SAMD13: variants seen among roughly 807,000 people sequenced by gnomAD.
SAMD13 encodes sterile alpha motif domain containing 13.
Under a neutral mutation model 12.4 loss-of-function variants are expected in SAMD13, and 9 were observed. That is an observed-to-expected ratio of 0.72 (90% CI 0.44 to 1.26). The LOEUF (loss-of-function observed/expected upper bound fraction) is 1.26, where lower values mean the gene tolerates loss of function less well. Ranked by LOEUF, SAMD13 falls within the 50% of genes most tolerant of loss-of-function variation. The pLI is 0.00. For synonymous variants in SAMD13, 46 were observed against 45.4 expected (o/e 1.01, Z -0.05); for missense variants, 84 against 119.6 (o/e 0.70, Z 1.39).
chr1:84,340,227 A>G (rs1220824427), intron 3 of SAMD13, among the ~76,000 whole-genome samples: 1 of 152,264 alleles, frequency 6.6e-6, no homozygotes, highest in African/African-American at 2.4e-5. Context: ...CTGTATACAT[A>G]TAATGGAATA....
intron 3 of SAMD13, among the ~76,000 whole-genome samples, chr1:84,341,553 T>TG (rs35301372): frequency 6.6e-6 from 1 of 152,012 alleles, no homozygotes; most frequent in Non-Finnish European, 1.5e-5. Context: ...TCATCCTGGA[T>TG]GGGGGGTTTG....
chr1:84,319,611 G>A (rs557470682), intron 2 of SAMD13, among the ~76,000 whole-genome samples: 21 of 148,744 alleles, frequency 1.4e-4, no homozygotes, highest in African/African-American at 4.6e-4. Flanking sequence ...CTCCAGCCTG[G>A]GTGACAGGAA....
At chr1:84,334,587 G>A (rs1387281775) in intron 3 of SAMD13, among the ~76,000 whole-genome samples, 1 of 151,914 alleles carries the variant, frequency 6.6e-6, no homozygotes, top group Non-Finnish European at 1.5e-5. Context: ...GTTATTTCTT[G>A]TCTTCTGGTA....
intron 3 of SAMD13, among the ~76,000 whole-genome samples, chr1:84,334,951 AT>A (rs982726962): frequency 6.6e-6 from 1 of 151,984 alleles, no homozygotes; most frequent in Non-Finnish European, 1.5e-5. Context: ...TTTTCTGAGA[AT>A]TGTTTTATGC....
chr1:84,306,313 G>A (rs939750589), intron 2 of SAMD13, among the ~76,000 whole-genome samples: 2 of 151,268 alleles, frequency 1.3e-5, no homozygotes, highest in African/African-American at 2.5e-5. Context: ...TTTTTATATT[G>A]ATGTTATATG....
chr1:84,300,267 T>C (rs1397299453), upstream of SAMD13, among the ~76,000 whole-genome samples: 1 of 152,214 alleles, frequency 6.6e-6, no homozygotes, highest in African/African-American at 2.4e-5. Context: ...CTCAAAAATA[T>C]TTAATTGGTT....
chr1:84,348,524 T>C (rs535478015), intron 3 of SAMD13, among the ~76,000 whole-genome samples: 1 of 152,306 alleles, frequency 6.6e-6, no homozygotes, highest in Admixed American at 6.5e-5. Flanking sequence ...GGTTTAACTC[T>C]TGAATCCAAG....
chr1:84,321,808 C>G (rs546664268), intron 2 of SAMD13, among the ~76,000 whole-genome samples: 2 of 152,188 alleles, frequency 1.3e-5, no homozygotes, highest in Admixed American at 1.3e-4. Context: ...GCCCCGCACA[C>G]CCTTCCACTT....
chr1:84,349,587 C>A, intron 3 of SAMD13, 44 bp from the exon 4 acceptor site: 1 of 1,590,488 alleles, frequency 6.3e-7, no homozygotes, highest in Non-Finnish European at 8.6e-7. Context: ...TATCCTTGAG[C>A]TTTTGGACTC....
chr1:84,337,095 C>T (rs1679314773), intron 3 of SAMD13, among the ~76,000 whole-genome samples: 1 of 152,154 alleles, frequency 6.6e-6, no homozygotes, highest in Non-Finnish European at 1.5e-5. Flanking sequence ...GTACAGCCTC[C>T]CTCCTGGCTG....
At chr1:84,334,471 T>C (rs577663351) in intron 3 of SAMD13, among the ~76,000 whole-genome samples, 2 of 152,226 alleles carry the variant, frequency 1.3e-5, no homozygotes, top group African/African-American at 4.8e-5. Context: ...GTCTAGCTAA[T>C]GGTCTATATA....
chr1:84,340,595 T>C (rs1679402373), intron 3 of SAMD13, among the ~76,000 whole-genome samples: 1 of 152,214 alleles, frequency 6.6e-6, no homozygotes, highest in Non-Finnish European at 1.5e-5. Context: ...ATAAAGTTTT[T>C]AAAATGTAAT....
chr1:84,327,878 G>A (rs755201903), intron 3 of SAMD13, among the ~76,000 whole-genome samples: 18 of 152,074 alleles, frequency 1.2e-4, no homozygotes, highest in Admixed American at 5.9e-4. Flanking sequence ...GAATTGTGAT[G>A]GAAAAAACTG....
At chr1:84,317,936 G>A (rs1678869326) in intron 2 of SAMD13, among the ~76,000 whole-genome samples, 1 of 151,898 alleles carries the variant, frequency 6.6e-6, no homozygotes, top group Non-Finnish European at 1.5e-5. Flanking sequence ...TGCTTCTAGG[G>A]ACCTATTTCT....
intron 2 of SAMD13, among the ~76,000 whole-genome samples, chr1:84,317,590 C>CT (rs1678862890): frequency 6.6e-6 from 1 of 151,882 alleles, no homozygotes; most frequent in African/African-American, 2.4e-5. Flanking sequence ...CTGTTGAATT[C>CT]GGTTTGCTGG....
At chr1:84,299,534 A>C (rs750486324), upstream of SAMD13, 164 of 1,329,110 alleles carry the variant, frequency 1.2e-4, no homozygotes, top group Middle Eastern at 1.9e-4. Context: ...CCCACACACA[A>C]AGTACACCAC....
chr1:84,311,841 T>A (rs538937393), intron 2 of SAMD13, among the ~76,000 whole-genome samples: 1 of 152,326 alleles, frequency 6.6e-6, no homozygotes, highest in South Asian at 2.1e-4. Context: ...ATGAATTTAG[T>A]TTTTCAAATT....
chr1:84,309,092 C>CTA (rs1220870025), intron 2 of SAMD13, among the ~76,000 whole-genome samples: 1 of 151,944 alleles, frequency 6.6e-6, no homozygotes, highest in East Asian at 1.9e-4. Context: ...CAGTGATAAA[C>CTA]TATATATATT....
intron 3 of SAMD13, among the ~76,000 whole-genome samples, chr1:84,334,359 C>T (rs1262380740): frequency 6.6e-6 from 1 of 152,014 alleles, no homozygotes; most frequent in East Asian, 1.9e-4. Context: ...GTAATAGTCT[C>T]TGAGGGTTTT....
Sources: gnomAD v4.1 joint callset for allele counts (sites outside exome capture counted in the v4.1 genomes callset) on GRCh38, gnomAD v4.1.1 for gene constraint, MANE v1.5 for transcripts, NCBI Gene and HGNC (gene_info 2026-07-23, HGNC 2026-07-21) for gene names.